Variants in OSBPL1A observed in about 807,000 individuals in gnomAD.
OSBPL1A encodes oxysterol binding protein like 1A.
In OSBPL1A, 80 loss-of-function variants were observed where a neutral mutation model predicts 137.1. The observed-to-expected ratio is 0.58, with a 90% CI of 0.49 to 0.70. OSBPL1A has a LOEUF of 0.70. OSBPL1A is among the 30% of genes least tolerant of loss of function. The probability of loss-of-function intolerance (pLI) is 0.00; values close to 1 mark genes in which losing one functional copy is unlikely to be tolerated. For synonymous variants in OSBPL1A, 365 were observed against 389.7 expected, an observed-to-expected ratio of 0.94 and a Z score of 0.75; for missense variants, 970 against 1,129.4, an observed-to-expected ratio of 0.86 and a Z score of 2.02.
chr18:24,192,354 G>C (rs1366217850), intron 18 of OSBPL1A, among the ~76,000 whole-genome samples: 1 of 152,024 alleles, frequency 6.6e-6, no homozygotes, highest in East Asian at 1.9e-4. Context: ...GTGACAAAGG[G>C]GAAACAAGCA....
At chr18:24,204,505 T>C (rs140714619) in intron 17 of OSBPL1A, among the ~76,000 whole-genome samples, 7 of 152,008 alleles carry the variant, frequency 4.6e-5, no homozygotes, top group Non-Finnish European at 8.8e-5. Context: ...TTTTTAAAAC[T>C]AGCTTCTGTG....
chr18:24,193,348 C>T (rs973088170), intron 18 of OSBPL1A, among the ~76,000 whole-genome samples: 4 of 151,980 alleles, frequency 2.6e-5, no homozygotes, highest in Admixed American at 2.6e-4. Context: ...ATTAGCTGGG[C>T]ATGGTGGCAT....
rs796732292 is a variant in OSBPL1A at position 24,392,185 on chromosome 18, G to A, written c.-3+5470C>T. Reference sequence around the variant, plus strand: ...TTTGTACTCTTTTTATTTTTGAGATGGAGTTTCACTTGTTTCCCATGCTGG... The same window carrying A: ...TTTGTACTCTTTTTATTTTTGAGATAGAGTTTCACTTGTTTCCCATGCTGG... On this transcript the variant is annotated intron_variant, in intron 1 of 27. Coordinates refer to ENST00000319481, the MANE Select transcript of OSBPL1A (RefSeq NM_080597.4). Among the ~76,000 whole-genome samples, 34 of 151,310 alleles carry A rather than the reference G, an allele frequency of 2.2e-4. 2 individuals are homozygous for A. The highest frequency in any genetic ancestry group is 8.2e-4 in the African/African-American group (34 of 41,230).
intron 13 of OSBPL1A, 61 bp downstream of exon 13, chr18:24,311,923 T>C (rs1400179711): frequency 4.4e-6 from 7 of 1,583,252 alleles, no homozygotes; most frequent in Non-Finnish European, 6.0e-6. Flanking sequence ...AAGAAAAAAG[T>C]TCTTGATTAA....
intron 18 of OSBPL1A, among the ~76,000 whole-genome samples, chr18:24,195,351 A>G (rs967945748): frequency 2.0e-5 from 3 of 152,180 alleles, no homozygotes; most frequent in African/African-American, 7.2e-5. Context: ...GAAAAATGCC[A>G]AAGTGGGTAT....
chr18:24,295,175 G>C (rs967030913), intron 14 of OSBPL1A, among the ~76,000 whole-genome samples: 1 of 152,108 alleles, frequency 6.6e-6, no homozygotes, highest in Non-Finnish European at 1.5e-5. Context: ...GTGCTGTTGA[G>C]CATTTTTTTA....
chr18:24,301,331 CAA>C (rs2090396580), intron 14 of OSBPL1A: 2 of 152,134 alleles, frequency 1.3e-5, no homozygotes, highest in African/African-American at 4.8e-5. Context: ...CAATCTGAAA[CAA>C]GAGATTTGAC....
intron 16 of OSBPL1A, 60 bp downstream of exon 16, chr18:24,239,160 C>G: frequency 6.4e-7 from 1 of 1,574,726 alleles, no homozygotes. Context: ...GGGGACATTG[C>G]TCATTTAGGT....
intron 21 of OSBPL1A, among the ~76,000 whole-genome samples, chr18:24,175,110 A>ATATATATATATATATATGTG (rs1567919998): frequency 6.8e-5 from 1 of 14,780 alleles, no homozygotes; most frequent in African/African-American, 9.6e-5. Flanking sequence ...ATGTGTATGT[A>ATATATATATATATATATGTG]TATATATATA....
Position 24,201,472 on chromosome 18 carries a change from T to G in OSBPL1A, c.1602-5272A>C, listed in dbSNP as rs971567894. On this transcript the variant is annotated intron_variant, in intron 17 of 27. Coordinates refer to ENST00000319481, the MANE Select transcript of OSBPL1A (RefSeq NM_080597.4). ...CGTTATTTGGATGGCAGAAATTACC[T>G]GTTATTTGGGCCCGGCACAGTGGCT... Among the ~76,000 whole-genome samples the G allele has an allele frequency of 2.0e-5, 3 of 152,158 alleles. No individual in the cohort carries two copies. The East Asian group carries it at 5.8e-4, about 29-fold the overall frequency.
chr18:24,263,515 C>G (rs1434874459), intron 15 of OSBPL1A, among the ~76,000 whole-genome samples: 1 of 152,234 alleles, frequency 6.6e-6, no homozygotes, highest in Admixed American at 6.5e-5. Flanking sequence ...CCCCAAAACA[C>G]TGCGATTGCA....
rs1234696377 is a variant in OSBPL1A at position 24,347,298 on chromosome 18, T to G, written c.283-5640A>C. Among the ~76,000 whole-genome samples the G allele has an allele frequency of 2.0e-5, 3 of 152,180 alleles. No individual in the cohort carries two copies. The East Asian group carries it at 5.8e-4, about 30-fold the overall frequency. ...TTCAAGCGATTCTCCTGCCTCAGCC[T>G]TCTACCTTCCGAGTAGCTGGGATTA... On this transcript the variant is annotated intron_variant, in intron 4 of 27. Transcript: ENST00000319481.
At chr18:24,255,835 C>A (rs1173632771) in intron 15 of OSBPL1A, among the ~76,000 whole-genome samples, 1 of 151,276 alleles carries the variant, frequency 6.6e-6, no homozygotes, top group Non-Finnish European at 1.5e-5. Context: ...CTGCTCACTG[C>A]AGCTTCTGCC....
intron 17 of OSBPL1A, among the ~76,000 whole-genome samples, chr18:24,212,995 A>G (rs985938558): frequency 5.3e-5 from 8 of 152,250 alleles, no homozygotes; most frequent in African/African-American, 1.9e-4. Context: ...TCGAATTCAG[A>G]CAAATACAGT....
chr18:24,338,963 C>T (rs1175888201), intron 5 of OSBPL1A, among the ~76,000 whole-genome samples: 2 of 152,088 alleles, frequency 1.3e-5, no homozygotes, highest in African/African-American at 4.8e-5. Flanking sequence ...CCACCCGCCT[C>T]AGCTTCCCAA....
chr18:24,245,588 T>C (rs933746171), intron 15 of OSBPL1A, among the ~76,000 whole-genome samples: 1 of 152,168 alleles, frequency 6.6e-6, no homozygotes, highest in Non-Finnish European at 1.5e-5. Flanking sequence ...GGAGCTCCCA[T>C]GTGGATGCAA....
chr18:24,206,483 A>G (rs1010998842), intron 17 of OSBPL1A, among the ~76,000 whole-genome samples: 9 of 152,206 alleles, frequency 5.9e-5, no homozygotes, highest in Non-Finnish European at 1.3e-4. Context: ...AAGTGCTGGG[A>G]CAATTCCGTC....
chr18:24,179,701 G>T, intron 20 of OSBPL1A, 37 bp downstream of exon 20: 1 of 1,537,572 alleles, frequency 6.5e-7, no homozygotes, highest in Non-Finnish European at 9.0e-7. Context: ...CTCTTCATCT[G>T]CAACGCTGTA....
chr18:24,384,289 G>A (rs999325489), intron 1 of OSBPL1A, among the ~76,000 whole-genome samples: 5 of 152,188 alleles, frequency 3.3e-5, no homozygotes, highest in Non-Finnish European at 5.9e-5. Context: ...TAAGAAACTA[G>A]CAGACTGGGC....
Sources: gnomAD v4.1 joint callset for allele counts (sites outside exome capture counted in the v4.1 genomes callset) on GRCh38, gnomAD v4.1.1 for gene constraint, MANE v1.5 for transcripts, NCBI Gene and HGNC (gene_info 2026-07-23, HGNC 2026-07-21) for gene names.